Variants in SLC8A1 observed in about 807,000 individuals in gnomAD.
SLC8A1 encodes the protein solute carrier family 8 member A1.
Under a neutral mutation model 68.3 loss-of-function variants are expected in SLC8A1, and 18 were observed. The observed-to-expected ratio is 0.26, with a 90% CI of 0.18 to 0.39. SLC8A1 has a LOEUF of 0.39. Ranked by LOEUF, SLC8A1 falls within the 10% of genes least tolerant of loss-of-function variation. The pLI is 1.00. For missense variants in SLC8A1, 985 were observed against 1,156.7 expected (o/e 0.85, Z 2.15); for synonymous variants, 475 against 415.5 (o/e 1.14, Z -1.74).
chr2:40,284,844 G>C (rs1409708774), intron 2 of SLC8A1, among the ~76,000 whole-genome samples: 1 of 151,974 alleles, frequency 6.6e-6, no homozygotes, highest in Non-Finnish European at 1.5e-5. Context: ...AGAGGATGCT[G>C]TATCCACTTC....
intron 2 of SLC8A1, among the ~76,000 whole-genome samples, chr2:40,289,732 A>C (rs1267546961): frequency 1.3e-5 from 2 of 151,938 alleles, no homozygotes; most frequent in Non-Finnish European, 2.9e-5. Context: ...TTGGTGGTGC[A>C]TGCCTGTAAT....
At chr2:40,446,369 G>A (rs887139048) in intron 1 of SLC8A1, 8 of 152,138 alleles carry the variant, frequency 5.3e-5, no homozygotes, top group Admixed American at 1.3e-4. Context: ...GACACAGAAC[G>A]GAATGAAAGG....
intron 7 of SLC8A1, among the ~76,000 whole-genome samples, chr2:40,138,512 G>T (rs2040947908): frequency 6.6e-6 from 1 of 152,120 alleles, no homozygotes; most frequent in South Asian, 2.1e-4. Context: ...CTATATATCT[G>T]TCAAGATGCT....
At position 40,168,054 on chromosome 2, in the gene SLC8A1, C is replaced by T. The variant is rs371117616; in HGVS notation, c.1931-3070G>A. 5.8e-4 allele frequency among the ~76,000 whole-genome samples: 88 copies of T among 152,202 alleles called. 2 individuals are homozygous for T. Among genetic ancestry groups the T allele is most frequent in the African/African-American group, 1.8e-3 (76 of 41,504 alleles). On this transcript the variant is annotated intron_variant, in intron 4 of 7. Coordinates refer to ENST00000406785, the Ensembl canonical transcript of SLC8A1. ...TCTTAGTTGCTCAACCCATACAAAA[C>T]GGATCATTTTTTCATTGAGCACATC...
At chr2:40,256,769 C>A (rs2149075348) in intron 2 of SLC8A1, among the ~76,000 whole-genome samples, 1 of 152,270 alleles carries the variant, frequency 6.6e-6, no homozygotes, top group East Asian at 1.9e-4. Context: ...ACACTTTAGG[C>A]CTGCAGGATG....
intron 2 of SLC8A1, among the ~76,000 whole-genome samples, chr2:40,301,669 C>A (rs2071486277): frequency 6.6e-6 from 1 of 152,156 alleles, no homozygotes; most frequent in South Asian, 2.1e-4. Flanking sequence ...ATAATCCCAG[C>A]ACATTGGGAG....
intron 6 of SLC8A1, among the ~76,000 whole-genome samples, chr2:40,149,985 T>A (rs1222140577): frequency 6.7e-6 from 1 of 150,148 alleles, no homozygotes; most frequent in Non-Finnish European, 1.5e-5. Context: ...GAGCCTTGGG[T>A]TCTAAAACAG....
chr2:40,490,606 T>C (rs1221862682), intron 1 of SLC8A1, among the ~76,000 whole-genome samples: 1 of 152,280 alleles, frequency 6.6e-6, no homozygotes. Context: ...AAGTTGACTA[T>C]AACATCATAA....
At chr2:40,286,767 CTGTG>C (rs1008111209) in intron 2 of SLC8A1, among the ~76,000 whole-genome samples, 5 of 152,336 alleles carry the variant, frequency 3.3e-5, no homozygotes, top group African/African-American at 1.2e-4. Context: ...CAGGGACCTA[CTGTG>C]TGACACATGG....
At chr2:40,358,501 G>A (rs1293028019) in intron 2 of SLC8A1, among the ~76,000 whole-genome samples, 1 of 152,112 alleles carries the variant, frequency 6.6e-6, no homozygotes, top group Non-Finnish European at 1.5e-5. Context: ...AAAGAATAAG[G>A]GATTTGGAGT....
chr2:40,277,801 T>C (rs1324765042), intron 2 of SLC8A1, among the ~76,000 whole-genome samples: 25 of 68,744 alleles, frequency 3.6e-4, no homozygotes, highest in Non-Finnish European at 3.1e-4. Context: ...TGTGTATATA[T>C]ATATATATAT....
chr2:40,170,792 A>T (rs2047341919), intron 4 of SLC8A1, among the ~76,000 whole-genome samples: 1 of 152,222 alleles, frequency 6.6e-6, no homozygotes, highest in Non-Finnish European at 1.5e-5. Flanking sequence ...CCATTATAGA[A>T]ATAGTGTACT....
At chr2:40,233,596 T>A (rs1320107702) in intron 2 of SLC8A1, among the ~76,000 whole-genome samples, 1 of 139,398 alleles carries the variant, frequency 7.2e-6, no homozygotes, top group African/African-American at 2.7e-5. Context: ...AGCTCTTTAT[T>A]TTAATTAGTT....
intron 2 of SLC8A1, among the ~76,000 whole-genome samples, chr2:40,365,967 A>T (rs373895496): frequency 1.1e-4 from 16 of 150,342 alleles, no homozygotes; most frequent in African/African-American, 2.7e-4. Context: ...CTGCACTCTA[A>T]CCTGTGTGAC....
chr2:40,192,874 G>A (rs545734516), intron 2 of SLC8A1, among the ~76,000 whole-genome samples: 3 of 152,130 alleles, frequency 2.0e-5, no homozygotes, highest in Admixed American at 6.6e-5. Context: ...TGGAACAGAA[G>A]AGAATCCATG....
At chr2:40,456,224 G>A (rs950074150), upstream of SLC8A1, among the ~76,000 whole-genome samples, 3 of 149,096 alleles carry the variant, frequency 2.0e-5, no homozygotes, top group African/African-American at 7.4e-5. Flanking sequence ...GCTGAGGCAG[G>A]AGAATGGCGT....
At chr2:40,439,877 G>C (rs528473647) in intron 1 of SLC8A1, among the ~76,000 whole-genome samples, 2 of 152,150 alleles carry the variant, frequency 1.3e-5, no homozygotes, top group Non-Finnish European at 2.9e-5. Context: ...CTCTCCATCA[G>C]TGTTGTATGC....
At chr2:40,419,862 A>C (rs924310114) in intron 2 of SLC8A1, among the ~76,000 whole-genome samples, 33 of 152,168 alleles carry the variant, frequency 2.2e-4, no homozygotes, top group Non-Finnish European at 4.4e-4. Flanking sequence ...GCTTCTTTTA[A>C]AGGTTATAAT....
chr2:40,220,162 T>G (rs2058107226), intron 2 of SLC8A1: 3 of 141,838 alleles, frequency 2.1e-5, no homozygotes, highest in African/African-American at 7.8e-5. Context: ...TTTTTTTTTT[T>G]GAGGAAAAAG....
Sources: gnomAD v4.1 joint callset for allele counts (sites outside exome capture counted in the v4.1 genomes callset) on GRCh38, gnomAD v4.1.1 for gene constraint, MANE v1.5 for transcripts, NCBI Gene and HGNC (gene_info 2026-07-23, HGNC 2026-07-21) for gene names.